NPAS3: variants seen among roughly 807,000 people sequenced by gnomAD.
The protein encoded by NPAS3 is neuronal PAS domain protein 3, also known as neuronal PAS domain-containing protein 3.
A neutral mutation model predicts 73.1 loss-of-function variants in NPAS3; 14 were observed. That is an observed-to-expected ratio of 0.19 (90% CI 0.13 to 0.30). The LOEUF (loss-of-function observed/expected upper bound fraction) is 0.30, where lower values mean the gene tolerates loss of function less well. Among genes scored for constraint, NPAS3 ranks in the 10% least tolerant of loss-of-function variants. The pLI is 1.00. For synonymous variants in NPAS3, 620 were observed against 541.5 expected, an observed-to-expected ratio of 1.14 and a Z score of -2.01; for missense variants, 1,096 against 1,250.0, an observed-to-expected ratio of 0.88 and a Z score of 1.86.
intron 4 of NPAS3, among the ~76,000 whole-genome samples, chr14:33,380,404 T>G (rs2046495974): frequency 6.6e-6 from 1 of 152,112 alleles, no homozygotes; most frequent in Non-Finnish European, 1.5e-5. Context: ...ATTTCTGAAC[T>G]GTAGCCATGC....
intron 2 of NPAS3, among the ~76,000 whole-genome samples, chr14:33,122,754 A>G (rs2043277448): frequency 6.6e-6 from 1 of 152,128 alleles, no homozygotes; most frequent in African/African-American, 2.4e-5. Flanking sequence ...TACACCTTAT[A>G]AGAAGACTGA....
intron 5 of NPAS3, among the ~76,000 whole-genome samples, chr14:33,602,652 G>A (rs2057435910): frequency 6.6e-6 from 1 of 152,070 alleles, no homozygotes; most frequent in Non-Finnish European, 1.5e-5. Flanking sequence ...AGTGCTTAAT[G>A]GCATTATGGG....
At chr14:33,109,740 C>A (rs2042829263) in intron 2 of NPAS3, among the ~76,000 whole-genome samples, 1 of 149,612 alleles carries the variant, frequency 6.7e-6, no homozygotes, top group African/African-American at 2.4e-5. Context: ...TTTAGCAATA[C>A]TGTTTATGTT....
At chr14:33,308,870 A>AG (rs1353865483) in intron 3 of NPAS3, among the ~76,000 whole-genome samples, 7 of 152,308 alleles carry the variant, frequency 4.6e-5, no homozygotes, top group Admixed American at 3.3e-4. Flanking sequence ...TATAATGCTA[A>AG]GGATAGCATT....
intron 4 of NPAS3, among the ~76,000 whole-genome samples, chr14:33,442,291 A>G (rs1326979486): frequency 6.6e-6 from 1 of 152,172 alleles, no homozygotes; most frequent in South Asian, 2.1e-4. Flanking sequence ...ATGACAGTCA[A>G]CTGAACATGG....
At chr14:33,470,907 C>T (rs961530968) in intron 4 of NPAS3, among the ~76,000 whole-genome samples, 1 of 148,000 alleles carries the variant, frequency 6.8e-6, no homozygotes, top group African/African-American at 2.6e-5. Context: ...AACTCACAAG[C>T]TGATGCGGGA....
chr14:32,993,740 G>T (rs562802262), intron 1 of NPAS3, among the ~76,000 whole-genome samples: 1 of 152,024 alleles, frequency 6.6e-6, no homozygotes, highest in African/African-American at 2.4e-5. Context: ...GAATTTTTAT[G>T]GAAATTGATT....
At chr14:33,079,368 G>T (rs2041783442) in intron 2 of NPAS3, among the ~76,000 whole-genome samples, 1 of 139,190 alleles carries the variant, frequency 7.2e-6, no homozygotes. Context: ...GCCCAGGCTG[G>T]AGTGCAGTGG....
At chr14:33,317,155 A>T (rs2043238980) in intron 3 of NPAS3, among the ~76,000 whole-genome samples, 1 of 152,076 alleles carries the variant, frequency 6.6e-6, no homozygotes, top group Non-Finnish European at 1.5e-5. Flanking sequence ...TTTTAAGAAC[A>T]GCTGAAATGA....
At chr14:33,457,207 A>T (rs532131197) in intron 4 of NPAS3, among the ~76,000 whole-genome samples, 1 of 152,332 alleles carries the variant, frequency 6.6e-6, no homozygotes, top group Admixed American at 6.5e-5. Flanking sequence ...TGTATCCTGG[A>T]TACAAGTTCA....
At position 33,117,321 on chromosome 14, in the gene NPAS3, T is replaced by C. The variant is rs113627911; in HGVS notation, c.140+61327T>C. Among the ~76,000 whole-genome samples the C allele has an allele frequency of 4.8e-3, 734 of 152,208 alleles. 5 individuals are homozygous for C. Among genetic ancestry groups the C allele is most frequent in the African/African-American group, 0.017 (700 of 41,554 alleles). On this transcript the variant is annotated intron_variant, in intron 2 of 11. Coordinates refer to ENST00000356141, the Ensembl canonical transcript of NPAS3. ...ATAGTCAAACTCTATTTGAGATCTA[T>C]GGCTGTACTTATAGACTTACCTGAA...
At chr14:33,161,606 A>G (rs1320225122) in intron 2 of NPAS3, among the ~76,000 whole-genome samples, 9 of 152,192 alleles carry the variant, frequency 5.9e-5, no homozygotes. Context: ...AAAGGAGTAT[A>G]TTTATTTGCA....
chr14:33,012,510 T>G (rs2039241109), intron 1 of NPAS3, among the ~76,000 whole-genome samples: 1 of 152,030 alleles, frequency 6.6e-6, no homozygotes, highest in Non-Finnish European at 1.5e-5. Context: ...AATTAAATGG[T>G]GTCAGGAAAA....
intron 4 of NPAS3, among the ~76,000 whole-genome samples, chr14:33,445,149 C>T (rs1234681396): frequency 2.0e-5 from 3 of 152,208 alleles, no homozygotes; most frequent in Non-Finnish European, 4.4e-5. Flanking sequence ...TCAATACACA[C>T]CCTCTGTCAT....
intron 7 of NPAS3, among the ~76,000 whole-genome samples, chr14:33,761,534 A>G (rs2062290689): frequency 1.3e-5 from 2 of 152,044 alleles, no homozygotes; most frequent in Admixed American, 1.3e-4. Context: ...AGTATAGCAC[A>G]TTTGAACTCA....
intron 3 of NPAS3, among the ~76,000 whole-genome samples, chr14:33,230,062 C>G (rs1309027729): frequency 6.6e-6 from 1 of 152,188 alleles, no homozygotes; most frequent in Non-Finnish European, 1.5e-5. Flanking sequence ...GCTTTGGGGT[C>G]TTTCTCCCCA....
intron 3 of NPAS3, among the ~76,000 whole-genome samples, chr14:33,327,618 T>C (rs932798992): frequency 6.6e-6 from 1 of 152,212 alleles, no homozygotes; most frequent in South Asian, 2.1e-4. Context: ...AGAAGGATTC[T>C]AAGAAGAGAG....
intron 2 of NPAS3, among the ~76,000 whole-genome samples, chr14:33,114,323 A>G (rs530898711): frequency 2.0e-4 from 31 of 152,214 alleles, no homozygotes; most frequent in Admixed American, 2.0e-3. Context: ...GGCGTGAACT[A>G]CCATGCCCAG....
chr14:33,169,607 A>T (rs1260213602), intron 2 of NPAS3, among the ~76,000 whole-genome samples: 1 of 152,230 alleles, frequency 6.6e-6, no homozygotes, highest in Non-Finnish European at 1.5e-5. Context: ...AATAAAGTGT[A>T]TAGTATTTTA....
Sources: gnomAD v4.1 joint callset for allele counts (sites outside exome capture counted in the v4.1 genomes callset) on GRCh38, gnomAD v4.1.1 for gene constraint, MANE v1.5 for transcripts, NCBI Gene and HGNC (gene_info 2026-07-23, HGNC 2026-07-21) for gene names.